Variants in SPTLC1 observed in about 807,000 individuals in gnomAD.
SPTLC1 encodes serine palmitoyltransferase 1.
A neutral mutation model predicts 68.9 loss-of-function variants in SPTLC1; 55 were observed. The ratio of observed to expected loss-of-function variants is 0.80; its 90% CI spans 0.64 to 1.00. SPTLC1 has a LOEUF of 1.00. Ranked by LOEUF, SPTLC1 falls within the 50% of genes least tolerant of loss-of-function variation. SPTLC1 has a pLI of 0.00. For missense variants in SPTLC1, 449 were observed against 573.1 expected (o/e 0.78, Z 2.21); for synonymous variants, 197 against 201.6 (o/e 0.98, Z 0.19).
At chr9:92,060,058 A>G (rs1834032628) in intron 6 of SPTLC1, among the ~76,000 whole-genome samples, 1 of 152,040 alleles carries the variant, frequency 6.6e-6, no homozygotes, top group Non-Finnish European at 1.5e-5. Flanking sequence ...CAGGAGGGCG[A>G]GTGGAGAGTC....
chr9:92,082,599 A>ATG (rs1834928091), intron 3 of SPTLC1, among the ~76,000 whole-genome samples: 2 of 151,634 alleles, frequency 1.3e-5, no homozygotes, highest in Non-Finnish European at 2.9e-5. Context: ...ATAGTATTCC[A>ATG]TGGTGTATAT....
At chr9:92,114,609 C>A (rs1836369718) in intron 1 of SPTLC1, among the ~76,000 whole-genome samples, 1 of 151,990 alleles carries the variant, frequency 6.6e-6, no homozygotes, top group Non-Finnish European at 1.5e-5. Context: ...GTGGCACATG[C>A]CTGTAATCTC....
chr9:92,049,993 A>G lies in SPTLC1; in HGVS notation c.855T>C (p.His285=). Reference sequence around the variant, plus strand: ...CATAGTGTTCAGTGACTCCTCGGCCATGCTCTCCTAGGACTCCAAATGAAA... The same window carrying G: ...CATAGTGTTCAGTGACTCCTCGGCCGTGCTCTCCTAGGACTCCAAATGAAA... ...ESLSFGVLGE[H]GRGVTEHYGI... is the part of the protein sequence containing the mutation. Residue 285 remains histidine, a synonymous_variant, in exon 9 of 15, where the codon CAT becomes CAC. Coordinates refer to ENST00000262554, the MANE Select transcript of SPTLC1 (RefSeq NM_006415.4). 6.2e-7 allele frequency: 1 copy of G among 1,613,828 alleles called. No individual in the cohort carries two copies. Among genetic ancestry groups the G allele is most frequent in the Non-Finnish European group, 8.5e-7 (1 of 1,179,734 alleles).
chr9:92,050,309 TC>T (rs1564087921), intron 8 of SPTLC1: 1 of 445,370 alleles, frequency 2.2e-6, no homozygotes, highest in South Asian at 2.2e-5. Context: ...ACACGTGTTT[TC>T]CCAGGTGAGG....
intron 5 of SPTLC1, among the ~76,000 whole-genome samples, chr9:92,078,775 G>C (rs1834770651): frequency 6.6e-6 from 1 of 152,156 alleles, no homozygotes; most frequent in Non-Finnish European, 1.5e-5. Context: ...TTTAGGGTTA[G>C]AACTAAAGAT....
Position 92,072,954 on chromosome 9 carries a change from C to A in SPTLC1, c.428-4856G>T, listed in dbSNP as rs116430292. Reference sequence around the variant, plus strand: ...CCTGTTAACCCCTTCAATCTTTCTCCCCCCAACCCACCTATCCGAACCTGG... The same window carrying A: ...CCTGTTAACCCCTTCAATCTTTCTCACCCCAACCCACCTATCCGAACCTGG... On this transcript the variant is annotated intron_variant, in intron 5 of 14. Transcript: ENST00000262554. Among the ~76,000 whole-genome samples the A allele has an allele frequency of 2.6e-3, 399 of 151,964 alleles. 3 individuals carry two copies. Among genetic ancestry groups the A allele is most frequent in the African/African-American group, 9.0e-3 (371 of 41,402 alleles).
At chr9:92,042,118 A>C (rs1480302032) in intron 12 of SPTLC1, among the ~76,000 whole-genome samples, 3 of 152,170 alleles carry the variant, frequency 2.0e-5, no homozygotes. Flanking sequence ...ACCACAAAAC[A>C]AAACAAAACT....
chr9:92,071,062 A>G (rs955088749), intron 5 of SPTLC1, among the ~76,000 whole-genome samples: 1 of 151,550 alleles, frequency 6.6e-6, no homozygotes, highest in African/African-American at 2.4e-5. Flanking sequence ...TAAGGCCTTC[A>G]TATTTTTGCA....
chr9:92,060,954 C>T (rs1443430820), intron 6 of SPTLC1, among the ~76,000 whole-genome samples: 1 of 150,710 alleles, frequency 6.6e-6, no homozygotes, highest in East Asian at 1.9e-4. Flanking sequence ...ATTCACTGAG[C>T]ACAACAGGAA....
At chr9:92,040,984 T>G (rs758698622) in intron 12 of SPTLC1, among the ~76,000 whole-genome samples, 1 of 152,172 alleles carries the variant, frequency 6.6e-6, no homozygotes, top group Non-Finnish European at 1.5e-5. Context: ...GAGTCTATTA[T>G]ACTATTCCTT....
chr9:92,105,481 G>A (rs1835926704), intron 3 of SPTLC1: 1 of 866,004 alleles, frequency 1.2e-6, no homozygotes, highest in Non-Finnish European at 1.7e-6. Flanking sequence ...CAGGCGGGTG[G>A]ATCAGGAGGT....
intron 5 of SPTLC1, chr9:92,079,587 A>G: frequency 6.3e-7 from 1 of 1,592,382 alleles, no homozygotes; most frequent in Non-Finnish European, 8.6e-7. Flanking sequence ...AAAAAACTAC[A>G]CTGTTTATCC....
chr9:92,072,572 TC>T (rs1163551525), intron 5 of SPTLC1, among the ~76,000 whole-genome samples: 1 of 152,014 alleles, frequency 6.6e-6, no homozygotes, highest in East Asian at 1.9e-4. Context: ...ATGGGCAACC[TC>T]CCACCCTCCA....
At chr9:92,042,664 G>C (rs1210345139) in intron 12 of SPTLC1, among the ~76,000 whole-genome samples, 2 of 152,160 alleles carry the variant, frequency 1.3e-5, no homozygotes, top group Non-Finnish European at 2.9e-5. Context: ...ACATTCATCA[G>C]AAAATTTAAT....
At chr9:92,092,294 C>A (rs1835389040) in intron 3 of SPTLC1, among the ~76,000 whole-genome samples, 1 of 152,128 alleles carries the variant, frequency 6.6e-6, no homozygotes. Flanking sequence ...GAAAAGCTAT[C>A]ATCCAGAACA....
At chr9:92,063,780 G>A (rs548316801) in intron 6 of SPTLC1, among the ~76,000 whole-genome samples, 63 of 152,098 alleles carry the variant, frequency 4.1e-4, no homozygotes, top group African/African-American at 1.4e-3. Context: ...AACCAATACA[G>A]AAAAAGTAGT....
Position 92,080,081 on chromosome 9 carries a change from G to C in SPTLC1, c.362C>G (p.Ala121Gly), listed in dbSNP as rs769799806. ...GCCATACTTCTTTAGAGATGCTAAA[G>C]CTGCTGCCTTTATTGAAGTACAAGA... ...LLDNPRVKAAALASLKKYGVG... is the reference protein window; with the variant it reads ...LLDNPRVKAAGLASLKKYGVG... Residue 121 changes from alanine to glycine, a missense_variant, in exon 5 of 15, where the codon GCT becomes GGT. Ala to Gly is a moderately conservative substitution (Grantham distance 60). Around this residue, in one of 3 missense-constraint regions of SPTLC1, gnomAD observed 391 missense variants for 472.1 expected, o/e 0.83. Transcript: ENST00000262554. The C allele has an allele frequency of 3.5e-5, 57 of 1,613,182 alleles. No homozygotes were observed. Among genetic ancestry groups the C allele is most frequent in the Non-Finnish European group, 4.7e-5 (55 of 1,179,302 alleles).
At chr9:92,054,966 T>A (rs527745570) in intron 8 of SPTLC1, among the ~76,000 whole-genome samples, 22 of 152,066 alleles carry the variant, frequency 1.4e-4, no homozygotes, top group African/African-American at 5.3e-4. Context: ...GGCTCATACC[T>A]GTAATACCAG....
chr9:92,032,574 G>A lies in SPTLC1; in HGVS notation c.1329-16C>T, dbSNP rs777996334. On this transcript the variant is annotated splice_polypyrimidine_tract_variant and intron_variant, in intron 14 of 14. Transcript: ENST00000262554. ...AACCCGAATGCTGAGAACAGTAAAG[G>A]ACACAAAGAATTATCTTTGTGGGCC... 6.2e-7 allele frequency: 1 copy of A among 1,613,240 alleles called. No individual in the cohort carries two copies. Among genetic ancestry groups the A allele is most frequent in the Admixed American group, 1.7e-5 (1 of 60,002 alleles).
Sources: allele counts gnomAD v4.1 joint callset (sites outside exome capture counted in the v4.1 genomes callset), GRCh38; gene constraint gnomAD v4.1.1; regional missense constraint gnomAD v4.1.1; transcripts MANE v1.5; gene names NCBI Gene and HGNC (gene_info 2026-07-23, HGNC 2026-07-21).